Variants in REG4 observed in about 807,000 individuals in gnomAD.
REG4 encodes regenerating islet-derived protein 4.
REG4 carries 16 observed loss-of-function variants against 22.3 expected under a neutral mutation model. The observed-to-expected ratio is 0.72, with a 90% CI of 0.49 to 1.09. The LOEUF (loss-of-function observed/expected upper bound fraction) is 1.09, where lower values mean the gene tolerates loss of function less well. Ranked by LOEUF, REG4 falls within the 50% of genes least tolerant of loss-of-function variation. REG4 has a pLI of 0.00. For synonymous variants in REG4, 71 were observed against 69.2 expected (o/e 1.03, Z -0.13); for missense variants, 214 against 193.9 (o/e 1.10, Z -0.61).
chr1:119,807,735 A>G (rs1654366198), intron 2 of REG4, among the ~76,000 whole-genome samples: 1 of 152,232 alleles, frequency 6.6e-6, no homozygotes, highest in African/African-American at 2.4e-5. Flanking sequence ...GCCATGAAAG[A>G]CATATTAGGG....
At chr1:119,799,406 GCGTA>G (rs904489613) in intron 4 of REG4, among the ~76,000 whole-genome samples, 13 of 66,242 alleles carry the variant, frequency 2.0e-4, no homozygotes, top group African/African-American at 3.9e-4. Context: ...AGGCCTGTGT[GCGTA>G]CACACACACA....
chr1:119,799,656 C>T, intron 4 of REG4, 69 bp downstream of exon 4: 1 of 1,575,348 alleles, frequency 6.3e-7, no homozygotes, highest in Non-Finnish European at 8.7e-7. Flanking sequence ...GGCCGGGAGG[C>T]CATTCCCCAA....
At chr1:119,804,120 T>C (rs1654215201) in intron 2 of REG4, among the ~76,000 whole-genome samples, 1 of 152,212 alleles carries the variant, frequency 6.6e-6, no homozygotes. Context: ...CTAGCAAGTG[T>C]AGGCTTTGTG....
chr1:119,797,131 T>G (rs1363581662), intron 5 of REG4, among the ~76,000 whole-genome samples: 1 of 152,234 alleles, frequency 6.6e-6, no homozygotes, highest in Non-Finnish European at 1.5e-5. Context: ...CTTGGTTAAC[T>G]CTGGTTATAA....
intron 3 of REG4, 145 bp from the exon 4 acceptor site, chr1:119,800,007 C>T: frequency 1.9e-6 from 2 of 1,041,484 alleles, no homozygotes; most frequent in Non-Finnish European, 2.8e-6. Flanking sequence ...CAGAAGGCTT[C>T]CTGCCACCCT....
Position 119,808,755 on chromosome 1 carries a change from G to T in REG4, c.15C>A (p.Ser5Arg). The T allele has an allele frequency of 6.2e-7, 1 of 1,613,708 alleles. No homozygotes were observed. The highest frequency in any genetic ancestry group is 8.5e-7 in the Non-Finnish European group (1 of 1,179,678). The change falls in exon 2 of 6, where the codon AGC (serine) becomes AGA (arginine). Residue 5 changes from serine (S) to arginine (R), a missense_variant. Physicochemically the swap from Ser to Arg is moderately radical, Grantham distance 110. Transcript: ENST00000256585. MASR[S>R]MRLLLLLSCL... ...AGCTCAGCAATAGGAGCAGCCGCAT[G>T]CTTCTGGAAGCCATCTTCCTCCTAC...
chr1:119,807,451 G>C (rs1361532049), intron 2 of REG4, among the ~76,000 whole-genome samples: 2 of 152,192 alleles, frequency 1.3e-5, no homozygotes, highest in African/African-American at 4.8e-5. Context: ...AGATCCCAGG[G>C]ATAGGAAGAT....
chr1:119,803,576 TATAC>T (rs1258028409), intron 2 of REG4, among the ~76,000 whole-genome samples: 1 of 152,198 alleles, frequency 6.6e-6, no homozygotes, highest in African/African-American at 2.4e-5. Flanking sequence ...ATAATTGGAA[TATAC>T]ATACATACAT....
intron 2 of REG4, among the ~76,000 whole-genome samples, chr1:119,804,097 A>G (rs1047451125): frequency 2.0e-5 from 3 of 152,212 alleles, no homozygotes; most frequent in Non-Finnish European, 2.9e-5. Context: ...CAGGTGATCA[A>G]GGGGATGTCA....
At chr1:119,796,571 A>C (rs1250867402) in intron 5 of REG4, among the ~76,000 whole-genome samples, 1 of 152,220 alleles carries the variant, frequency 6.6e-6, no homozygotes, top group Non-Finnish European at 1.5e-5. Context: ...AATTAAAAAA[A>C]ATAGAAACTG....
chr1:119,802,918 A>C, intron 3 of REG4, 150 bp downstream of exon 3: 2 of 1,557,832 alleles, frequency 1.3e-6, no homozygotes, highest in Non-Finnish European at 1.7e-6. Context: ...AGTTGAACAC[A>C]CAACCCTCTT....
Position 119,794,344 on chromosome 1 carries a change from A to G in REG4, c.*274T>C. Reference sequence around the variant, plus strand: ...CAGCTGTTTCATAGGCTGGAGATGCACTCTTCTAGACTGCTCGAGACAGCC... The same window carrying G: ...CAGCTGTTTCATAGGCTGGAGATGCGCTCTTCTAGACTGCTCGAGACAGCC... On this transcript the variant is annotated 3_prime_UTR_variant, in exon 6 of 6. Transcript: ENST00000256585. 1.7e-6 allele frequency: 1 copy of G among 589,380 alleles called. No individual in the cohort carries two copies. Among genetic ancestry groups the G allele is most frequent in the Non-Finnish European group, 3.2e-6 (1 of 313,000 alleles). 36.5% of individuals were successfully genotyped at this position (589,380 alleles called of 1,614,324 possible). A position where few individuals can be genotyped will look rare whatever the true frequency, so the allele number is the denominator to read the frequency against.
chr1:119,806,048 C>T (rs753961683), intron 2 of REG4, among the ~76,000 whole-genome samples: 7 of 152,230 alleles, frequency 4.6e-5, no homozygotes, highest in African/African-American at 7.2e-5. Context: ...CCTCCCACCT[C>T]AGCCTCCTGA....
chr1:119,802,020 A>G (rs1279145609), intron 3 of REG4: 3 of 151,458 alleles, frequency 2.0e-5, no homozygotes, highest in Middle Eastern at 3.4e-3. Flanking sequence ...TCAGGTCTCT[A>G]TTACTCCTCG....
At chr1:119,800,698 T>C (rs1464172018) in intron 3 of REG4, among the ~76,000 whole-genome samples, 2 of 152,190 alleles carry the variant, frequency 1.3e-5, no homozygotes, top group African/African-American at 4.8e-5. Context: ...GACTTGCTAG[T>C]GAATGGGCAT....
chr1:119,810,538 C>T (rs1654462956), intron 1 of REG4, among the ~76,000 whole-genome samples: 1 of 152,156 alleles, frequency 6.6e-6, no homozygotes, highest in African/African-American at 2.4e-5. Flanking sequence ...CCACCCCTTA[C>T]TTCTTTTTAA....
chr1:119,802,465 T>C (rs1557761790), intron 3 of REG4: 1 of 1,010,584 alleles, frequency 9.9e-7, no homozygotes, highest in Non-Finnish European at 1.2e-6. Context: ...AATGTACCTA[T>C]ATGGCTCCCC....
At chr1:119,804,898 C>A (rs773304702) in intron 2 of REG4, among the ~76,000 whole-genome samples, 1 of 152,112 alleles carries the variant, frequency 6.6e-6, no homozygotes, top group Non-Finnish European at 1.5e-5. Flanking sequence ...CCTCACCCTG[C>A]AAGGTGCTTT....
chr1:119,797,808 C>T (rs1653976970), intron 5 of REG4, among the ~76,000 whole-genome samples: 1 of 152,154 alleles, frequency 6.6e-6, no homozygotes, highest in South Asian at 2.1e-4. Context: ...GCTACTGGCA[C>T]CTACTGATTA....
Sources: gnomAD v4.1 joint callset for allele counts (sites outside exome capture counted in the v4.1 genomes callset) on GRCh38, gnomAD v4.1.1 for gene constraint, MANE v1.5 for transcripts, NCBI Gene and HGNC (gene_info 2026-07-23, HGNC 2026-07-21) for gene names.